Variants in KCNQ1 observed in about 807,000 individuals in gnomAD.
KCNQ1 encodes potassium voltage-gated channel subfamily KQT member 1.
KCNQ1 carries 49 observed loss-of-function variants against 72.4 expected under a neutral mutation model. The observed-to-expected ratio is 0.68, with a 90% CI of 0.54 to 0.86. The LOEUF (loss-of-function observed/expected upper bound fraction) is 0.86. KCNQ1 is among the 40% of genes least tolerant of loss of function. The pLI is 0.00. For synonymous variants in KCNQ1, 450 were observed against 412.6 expected, an observed-to-expected ratio of 1.09 and a Z score of -1.10; for missense variants, 790 against 945.1, an observed-to-expected ratio of 0.84 and a Z score of 2.15.
At chr11:2,722,778 A>C (rs1239569848) in intron 11 of KCNQ1, among the ~76,000 whole-genome samples, 1 of 152,046 alleles carries the variant, frequency 6.6e-6, no homozygotes, top group Non-Finnish European at 1.5e-5. Flanking sequence ...GTGCCCTGTG[A>C]CCAAGACCCT....
At position 2,772,364 on chromosome 11, in the gene KCNQ1, C is replaced by A. The variant is rs576317973; in HGVS notation, c.1590+3445C>A. On this transcript the variant is annotated intron_variant, in intron 12 of 15. Transcript: ENST00000155840. The surrounding 1 kb of genome is among the most constrained non-coding windows in gnomAD (Gnocchi z 6.6). Reference sequence around the variant, plus strand: ...AAGGAGCCGGAGCCTCTCCACCCTTCAAGTGTGCCTTGAACTCCCTGTCCA... The same window carrying A: ...AAGGAGCCGGAGCCTCTCCACCCTTAAAGTGTGCCTTGAACTCCCTGTCCA... Among the ~76,000 whole-genome samples the A allele has an allele frequency of 1.7e-3, 260 of 152,248 alleles. No homozygotes were observed. Among genetic ancestry groups the A allele is most frequent in the African/African-American group, 5.7e-3 (238 of 41,570 alleles).
At position 2,677,625 on chromosome 11, in the gene KCNQ1, A is replaced by G; in HGVS notation, c.1514+15544A>G. The stretch of plus-strand genomic sequence containing the variant: ...GGATTTGTTTTTTTCTAAAACGTGT[A>G]CATAATTGTAACTCTAACAACTGTT... On this transcript the variant is annotated intron_variant, in intron 11 of 15. Coordinates refer to ENST00000155840, the MANE Select transcript of KCNQ1 (RefSeq NM_000218.3). This position sits in a 1 kb window ranked among gnomAD's most constrained non-coding sequence, Gnocchi z 4.5. 1 of 398,656 alleles carries G rather than the reference A, an allele frequency of 2.5e-6. No homozygotes were observed. Among genetic ancestry groups the G allele is most frequent in the Non-Finnish European group, 4.4e-6 (1 of 226,066 alleles). 24.7% of individuals were successfully genotyped at this position (398,656 alleles called of 1,614,324 possible).
chr11:2,676,165 T>G lies in KCNQ1; in HGVS notation c.1514+14084T>G, dbSNP rs778920305. 8 of 398,498 alleles carry G rather than the reference T, an allele frequency of 2.0e-5. No individual in the cohort carries two copies. Among genetic ancestry groups the G allele is most frequent in the Non-Finnish European group, 3.5e-5 (8 of 226,068 alleles). 24.7% of individuals were successfully genotyped at this position (398,498 alleles called of 1,614,324 possible). ...CATACTGTATGTATTTTTCTACACT[T>G]TGCCTTTGACTTCTTCCATAGGTAT... On this transcript the variant is annotated intron_variant, in intron 11 of 15. Transcript: ENST00000155840. The surrounding 1 kb of genome is among the most constrained non-coding windows in gnomAD (Gnocchi z 4.2).
At chr11:2,574,027 C>T (rs1848380349) in intron 6 of KCNQ1, among the ~76,000 whole-genome samples, 1 of 152,184 alleles carries the variant, frequency 6.6e-6, no homozygotes, top group African/African-American at 2.4e-5. Flanking sequence ...GCCTTCAAAT[C>T]CTCCAGTGAA....
chr11:2,591,304 G>A (rs1848667010), intron 10 of KCNQ1, among the ~76,000 whole-genome samples: 1 of 152,248 alleles, frequency 6.6e-6, no homozygotes. Context: ...CCATGTGGAA[G>A]TCAGCAGGCA....
rs1329116118 is a variant in KCNQ1 at position 2,710,569 on chromosome 11, G to A, written c.1514+48488G>A. On this transcript the variant is annotated intron_variant, in intron 11 of 15. Transcript: ENST00000155840. This position sits in a 1 kb window ranked among gnomAD's most constrained non-coding sequence, Gnocchi z 4.1. The stretch of plus-strand genomic sequence containing the variant: ...ACAACATGTAATCTGAGGTCAAAAA[G>A]ATTTACCCCTATATTTTCTTCCAAG... Among the ~76,000 whole-genome samples, 1 of 152,116 alleles carries A rather than the reference G, an allele frequency of 6.6e-6. No individual in the cohort carries two copies. The highest frequency in any genetic ancestry group is 6.5e-5 in the Admixed American group (1 of 15,278).
At chr11:2,721,827 G>A (rs1851207613) in intron 11 of KCNQ1, among the ~76,000 whole-genome samples, 1 of 152,236 alleles carries the variant, frequency 6.6e-6, no homozygotes. Flanking sequence ...GGAGCTGTCT[G>A]TCCATCCATC....
rs1181418812 is a variant in KCNQ1, at chr11:2,612,415, T to C, written c.1393+23561T>C. The C allele has an allele frequency of 2.5e-6, 1 of 398,430 alleles. No homozygotes were observed. The highest frequency in any genetic ancestry group is 2.1e-5 in the African/African-American group (1 of 48,612). The allele number at this position is 398,430 out of a possible 1,614,324, so 24.7% of individuals were successfully genotyped here. ...CCACTATATTATGGTATCCAATGGG[T>C]ATCTCTTCATTTTTCTTCATTATTT... On this transcript the variant is annotated intron_variant, in intron 10 of 15. Transcript: ENST00000155840. This position sits in a 1 kb window ranked among gnomAD's most constrained non-coding sequence, Gnocchi z 5.5.
Position 2,746,704 on chromosome 11 carries a change from G to A in KCNQ1, c.1515-22140G>A, listed in dbSNP as rs1846144708. On this transcript the variant is annotated intron_variant, in intron 11 of 15. Transcript: ENST00000155840. The surrounding 1 kb of genome is among the most constrained non-coding windows in gnomAD (Gnocchi z 5.9). The stretch of plus-strand genomic sequence containing the variant: ...ATCCTGTCGGTGTGGCTCGTCATGG[G>A]CGATGCTGTCTCTGTCTCCTGGCTC... Among the ~76,000 whole-genome samples the A allele has an allele frequency of 6.6e-6, 1 of 152,244 alleles. No individual in the cohort carries two copies. Among genetic ancestry groups the A allele is most frequent in the African/African-American group, 2.4e-5 (1 of 41,460 alleles).
intron 10 of KCNQ1, chr11:2,638,488 T>G (rs575851067): frequency 9.5e-4 from 144 of 152,340 alleles, no homozygotes; most frequent in African/African-American, 3.4e-3. Context: ...TCTTTAAGAA[T>G]GTTGAATATT....
Position 2,687,453 on chromosome 11 carries a change from C to T in KCNQ1, c.1514+25372C>T. 1 of 398,794 alleles carries T rather than the reference C, an allele frequency of 2.5e-6. No individual in the cohort carries two copies. 24.7% of individuals were successfully genotyped at this position (398,794 alleles called of 1,614,324 possible). ...AGCTGTCCATACAGATCCCTGCCTGCACAAGAGCTGCTGCAGCATTTCAAT... is the reference window on the plus strand; with the variant it reads ...AGCTGTCCATACAGATCCCTGCCTGTACAAGAGCTGCTGCAGCATTTCAAT... On this transcript the variant is annotated intron_variant, in intron 11 of 15. Coordinates refer to ENST00000155840, the MANE Select transcript of KCNQ1 (RefSeq NM_000218.3). This position sits in a 1 kb window ranked among gnomAD's most constrained non-coding sequence, Gnocchi z 5.0.
chr11:2,584,170 CTG>C (rs1848548622), intron 7 of KCNQ1, among the ~76,000 whole-genome samples: 1 of 152,036 alleles, frequency 6.6e-6, no homozygotes, highest in Non-Finnish European at 1.5e-5. Flanking sequence ...AGTATGTGTG[CTG>C]TGTTGTGTGC....
rs1847497489 is a variant in KCNQ1, at chr11:2,526,003, G to T, written c.387-1925G>T. Among the ~76,000 whole-genome samples, 1 of 152,202 alleles carries T rather than the reference G, an allele frequency of 6.6e-6. No homozygotes were observed. Among genetic ancestry groups the T allele is most frequent in the African/African-American group, 2.4e-5 (1 of 41,450 alleles). On this transcript the variant is annotated intron_variant, in intron 1 of 15. Coordinates refer to ENST00000155840, the MANE Select transcript of KCNQ1 (RefSeq NM_000218.3). The surrounding 1 kb of genome is among the most constrained non-coding windows in gnomAD (Gnocchi z 6.1). The stretch of plus-strand genomic sequence containing the variant: ...CAGTTGGGGTGTTGTGGGGGCCAGG[G>T]TCAGACATCAGAGCTGGCCTCTGCC...
rs1336017045 is a variant in KCNQ1 at position 2,713,711 on chromosome 11, G to A, written c.1514+51630G>A. On this transcript the variant is annotated intron_variant, in intron 11 of 15. Coordinates refer to ENST00000155840, the MANE Select transcript of KCNQ1 (RefSeq NM_000218.3). The surrounding 1 kb of genome is among the most constrained non-coding windows in gnomAD (Gnocchi z 5.6). The stretch of plus-strand genomic sequence containing the variant: ...AGCTGGGTTGCAGGAGAAGCCAAGT[G>A]CCGGGTGAAGGCCTGGGGAGGAATC... 3.3e-5 allele frequency among the ~76,000 whole-genome samples: 5 copies of A among 152,224 alleles called. No individual in the cohort carries two copies. Among genetic ancestry groups the A allele is most frequent in the African/African-American group, 1.2e-4 (5 of 41,440 alleles).
rs1324530053 is a variant in KCNQ1, at chr11:2,509,620, C to A, written c.387-18308C>A. 5.9e-5 allele frequency among the ~76,000 whole-genome samples: 9 copies of A among 152,196 alleles called. No homozygotes were observed. The highest frequency in any genetic ancestry group is 4.4e-5 in the Non-Finnish European group (3 of 68,040). On this transcript the variant is annotated intron_variant, in intron 1 of 15. Transcript: ENST00000155840. The surrounding 1 kb of genome is among the most constrained non-coding windows in gnomAD (Gnocchi z 6.3). ...TAGTGCAGGTCGTGGTCCCAGATGG[C>A]CACGGAGGTGTCAGCGTTTCACTCC... is the stretch of plus-strand genomic sequence containing the variant.
At position 2,658,547 on chromosome 11, in the gene KCNQ1, C is replaced by T; in HGVS notation, c.1394-3414C>T. 2.6e-6 allele frequency: 1 copy of T among 391,740 alleles called. No individual in the cohort carries two copies. The highest frequency in any genetic ancestry group is 4.5e-6 in the Non-Finnish European group (1 of 224,194). The allele number at this position is 391,740 out of a possible 1,614,324, so 24.3% of individuals were successfully genotyped here. On this transcript the variant is annotated intron_variant, in intron 10 of 15. Coordinates refer to ENST00000155840, the MANE Select transcript of KCNQ1 (RefSeq NM_000218.3). This position sits in a 1 kb window ranked among gnomAD's most constrained non-coding sequence, Gnocchi z 4.9. Reference sequence around the variant, plus strand: ...AGGCTCATCTTTTATTTTCCCTACCCTAGCCCTAGAATCATCCATTCATCC... The same window carrying T: ...AGGCTCATCTTTTATTTTCCCTACCTTAGCCCTAGAATCATCCATTCATCC...
chr11:2,628,176 A>G (rs967554333), intron 10 of KCNQ1: 2 of 398,538 alleles, frequency 5.0e-6, no homozygotes, highest in East Asian at 3.6e-5. Context: ...TGGATCATAT[A>G]GCAGTTCCAA....
In KCNQ1 at chr11:2,828,517, C is replaced by T. The variant is rs1847884290; in HGVS notation, c.1795-19250C>T. 6.6e-6 allele frequency among the ~76,000 whole-genome samples: 1 copy of T among 152,134 alleles called. No homozygotes were observed. The highest frequency in any genetic ancestry group is 2.1e-4 in the South Asian group (1 of 4,828). The stretch of plus-strand genomic sequence containing the variant: ...CCTAGGAGACTGGAGAGGGTAGACA[C>T]CAAGCCCTGCAGGAAGAAGAGCCAC... On this transcript the variant is annotated intron_variant, in intron 15 of 15. Coordinates refer to ENST00000155840, the MANE Select transcript of KCNQ1 (RefSeq NM_000218.3). This position sits in a 1 kb window ranked among gnomAD's most constrained non-coding sequence, Gnocchi z 5.3.
chr11:2,636,542 A>G (rs1849468347), intron 10 of KCNQ1: 1 of 152,120 alleles, frequency 6.6e-6, no homozygotes, highest in Non-Finnish European at 1.5e-5. Context: ...AGCCCACTTG[A>G]TCATGGTGGA....
Sources: allele counts gnomAD v4.1 joint callset (sites outside exome capture counted in the v4.1 genomes callset), GRCh38; gene constraint gnomAD v4.1.1; non-coding constraint Gnocchi (gnomAD v3.1); transcripts MANE v1.5; gene names NCBI Gene and HGNC (gene_info 2026-07-23, HGNC 2026-07-21).